Variants in ZNF519 observed in about 807,000 individuals in gnomAD.
ZNF519 encodes zinc finger protein 519.
Under a neutral mutation model 7.4 loss-of-function variants are expected in ZNF519, and 7 were observed. The observed-to-expected ratio is 0.94, with a 90% confidence interval of 0.54 to 1.77. The LOEUF is 1.77. Ranked by LOEUF, ZNF519 falls within the 40% of genes most tolerant of loss-of-function variation. The probability of loss-of-function intolerance (pLI) is 0.00; values close to 1 mark genes in which losing one functional copy is unlikely to be tolerated. For synonymous variants in ZNF519, 179 were observed against 203.3 expected (o/e 0.88, Z 1.02); for missense variants, 586 against 623.1 (o/e 0.94, Z 0.63).
chr18:14,111,241 A>G (rs1159748053), intron 2 of ZNF519, among the ~76,000 whole-genome samples: 1 of 150,976 alleles, frequency 6.6e-6, no homozygotes, highest in Non-Finnish European at 1.5e-5. Context: ...ACAGTGGCTC[A>G]TGCCTGTAAT....
chr18:14,130,513 G>C (rs949905723), intron 1 of ZNF519, among the ~76,000 whole-genome samples: 2 of 152,034 alleles, frequency 1.3e-5, no homozygotes, highest in Non-Finnish European at 2.9e-5. Flanking sequence ...CTCAGGGAGT[G>C]GCAGTGCTTT....
At chr18:14,093,317 C>T (rs1163705759) in intron 2 of ZNF519, among the ~76,000 whole-genome samples, 1 of 152,180 alleles carries the variant, frequency 6.6e-6, no homozygotes, top group Non-Finnish European at 1.5e-5. Flanking sequence ...TCCTTTAAAA[C>T]ATCCAGTCAT....
chr18:14,093,738 G>A (rs374955600), intron 2 of ZNF519, among the ~76,000 whole-genome samples: 1 of 152,180 alleles, frequency 6.6e-6, no homozygotes, highest in African/African-American at 2.4e-5. Flanking sequence ...CAGCTGAATT[G>A]GTTACAGCTT....
At chr18:14,131,326 A>G (rs2046328870) in intron 1 of ZNF519, among the ~76,000 whole-genome samples, 1 of 152,244 alleles carries the variant, frequency 6.6e-6, no homozygotes. Context: ...AAAAGTGATT[A>G]ATTCAAATAC....
At chr18:14,118,760 G>C (rs2046257429) in intron 2 of ZNF519, among the ~76,000 whole-genome samples, 1 of 152,152 alleles carries the variant, frequency 6.6e-6, no homozygotes, top group Non-Finnish European at 1.5e-5. Context: ...CCTATCAAGA[G>C]AGATGCAGGA....
In ZNF519 at chr18:14,087,460, T is replaced by C. The variant is rs558300475; in HGVS notation, c.131-2384A>G. Among the ~76,000 whole-genome samples, 3 of 152,338 alleles carry C rather than the reference T, an allele frequency of 2.0e-5. 1 individual carries two copies. The East Asian group carries it at 5.8e-4, about 29-fold the overall frequency. ...AAAATTTTATAAAAGTGAGCTCCTA[T>C]CAGTGTACACTCTAAAAACCATGCT... On this transcript the variant is annotated intron_variant and NMD_transcript_variant, in intron 2 of 4. Coordinates refer to the ZNF519 transcript ENST00000587419.
rs2046174116 is a variant in ZNF519 at position 14,103,906 on chromosome 18, TA to T, written c.*1010del. 6.6e-6 allele frequency: 1 copy of T among 152,108 alleles called. No homozygotes were observed. The highest frequency in any genetic ancestry group is 1.5e-5 in the Non-Finnish European group (1 of 67,984). The allele number at this position is 152,108 out of a possible 1,614,324, so 9.4% of individuals were successfully genotyped here. A position where few individuals can be genotyped will look rare whatever the true frequency, so the allele number is the denominator to read the frequency against. On this transcript the variant is annotated 3_prime_UTR_variant, in exon 3 of 3. Transcript: ENST00000590202. ...TTTCATTTTATTCTTAAAAAAAAATTAAGTTTACAGACTGAATAAAGCATTT... is the reference window on the plus strand; with the variant it reads ...TTTCATTTTATTCTTAAAAAAAAATTAGTTTACAGACTGAATAAAGCATTT...
chr18:14,097,143 C>T (rs987384268), downstream of ZNF519, among the ~76,000 whole-genome samples: 2 of 152,092 alleles, frequency 1.3e-5, no homozygotes, highest in South Asian at 2.1e-4. Context: ...CTTTTGGCTA[C>T]AAATTAGATT....
chr18:14,123,322 A>C (rs965019311), intron 2 of ZNF519: 6 of 153,862 alleles, frequency 3.9e-5, no homozygotes, highest in African/African-American at 1.4e-4. Flanking sequence ...ATGATTCTAG[A>C]AAATTAATCC....
At position 14,091,583 on chromosome 18, in the gene ZNF519, C is replaced by T. The variant is rs574084656; in HGVS notation, c.131-6507G>A. ...TCATCAGAAGTGCTCAGGTTGAAGACAGAGCAATGAAGACTCGAAAGTCCT... is the reference window on the plus strand; with the variant it reads ...TCATCAGAAGTGCTCAGGTTGAAGATAGAGCAATGAAGACTCGAAAGTCCT... On this transcript the variant is annotated intron_variant and NMD_transcript_variant, in intron 2 of 4. Coordinates refer to the ZNF519 transcript ENST00000587419. Among the ~76,000 whole-genome samples the T allele has an allele frequency of 5.9e-5, 9 of 152,178 alleles. 1 individual carries two copies. In the South Asian group the frequency reaches 8.3e-4, roughly 14 times the overall value.
At position 14,103,198 on chromosome 18, in the gene ZNF519, A is replaced by G. The variant is rs1425954827; in HGVS notation, c.*1719T>C. Reference sequence around the variant, plus strand: ...AAAACATAACACTTGAACACTGTAAACAAATATGAACTGATAGAATTCTCA... The same window carrying G: ...AAAACATAACACTTGAACACTGTAAGCAAATATGAACTGATAGAATTCTCA... On this transcript the variant is annotated 3_prime_UTR_variant, in exon 3 of 3. Transcript: ENST00000590202. 1 of 152,112 alleles carries G rather than the reference A, an allele frequency of 6.6e-6. No homozygotes were observed. The highest frequency in any genetic ancestry group is 1.5e-5 in the Non-Finnish European group (1 of 67,974). 9.4% of individuals were successfully genotyped at this position (152,112 alleles called of 1,614,324 possible).
Position 14,111,169 on chromosome 18 carries a change from T to TG in ZNF519, c.131-4761_131-4760insC, listed in dbSNP as rs1555632687. 2.8e-3 allele frequency among the ~76,000 whole-genome samples: 257 copies of TG among 90,824 alleles called. 2 individuals carry two copies. Among genetic ancestry groups the TG allele is most frequent in the African/African-American group, 0.011 (247 of 22,778 alleles). The allele number at this position is 90,824 out of a possible 152,430, so 59.6% of individuals were successfully genotyped here. On this transcript the variant is annotated intron_variant, in intron 2 of 2. Transcript: ENST00000590202. ...GTCAATAAAATGCAAAGTTGTTTTC[T>TG]AAAAAAAAAAAAAAAAAAACCTTTA...
chr18:14,101,548 T>G lies in ZNF519; in HGVS notation c.*3369A>C, dbSNP rs1357001669. The G allele has an allele frequency of 2.5e-6, 1 of 397,390 alleles. No homozygotes were observed. The allele number at this position is 397,390 out of a possible 1,614,324, so 24.6% of individuals were successfully genotyped here. A position where few individuals can be genotyped will look rare whatever the true frequency, so the allele number is the denominator to read the frequency against. On this transcript the variant is annotated 3_prime_UTR_variant, in exon 3 of 3. Transcript: ENST00000590202. ...GACTCAGGGTCCCTTGGATTAAAAC[T>G]GTGGGTCACTCAATAGGGAAAGCCA... is the stretch of plus-strand genomic sequence containing the variant.
At chr18:14,113,785 C>T (rs2046233465) in intron 2 of ZNF519, among the ~76,000 whole-genome samples, 1 of 150,948 alleles carries the variant, frequency 6.6e-6, no homozygotes, top group African/African-American at 2.4e-5. Context: ...TCCCTTTTCT[C>T]CACATACTCA....
At chr18:14,086,582 C>G (rs1268219830) in intron 2 of ZNF519, among the ~76,000 whole-genome samples, 1 of 152,176 alleles carries the variant, frequency 6.6e-6, no homozygotes, top group Non-Finnish European at 1.5e-5. Context: ...CTACAGAGAT[C>G]CAGCCCTGGG....
chr18:14,119,612 CA>C (rs574330365), intron 2 of ZNF519, among the ~76,000 whole-genome samples: 8 of 152,182 alleles, frequency 5.3e-5, no homozygotes, highest in African/African-American at 1.7e-4. Flanking sequence ...TCAGGATAAT[CA>C]ACATACAAAT....
Position 14,105,176 on chromosome 18 carries a change from G to C in ZNF519, c.1364C>G (p.Thr455Ser), listed in dbSNP as rs755864622. 1 of 1,571,730 alleles carries C rather than the reference G, an allele frequency of 6.4e-7. No homozygotes were observed. Among genetic ancestry groups the C allele is most frequent in the South Asian group, 1.1e-5 (1 of 90,322 alleles). The change falls in exon 3 of 3, where the codon ACT becomes AGT. Residue 455 changes from threonine to serine, a missense_variant. Physicochemically the swap from Thr to Ser is moderately conservative, Grantham distance 58. Transcript: ENST00000590202. ...SHLTRHQRIHTGEKSFKCEEC... is the reference protein window; with the variant it reads ...SHLTRHQRIHSGEKSFKCEEC... ...TTCACATTTGAAAGACTTCTCTCCA[G>C]TATGGATTCTTTGATGTCGAGTAAG...
intron 2 of ZNF519, among the ~76,000 whole-genome samples, chr18:14,118,832 G>A (rs1411690908): frequency 3.3e-5 from 5 of 152,048 alleles, no homozygotes; most frequent in African/African-American, 7.3e-5. Flanking sequence ...CTGTGGTCCC[G>A]GAAGCAGCCC....
At chr18:14,123,580 G>A (rs1469994159) in intron 2 of ZNF519, among the ~76,000 whole-genome samples, 3 of 152,060 alleles carry the variant, frequency 2.0e-5, no homozygotes, top group African/African-American at 4.8e-5. Flanking sequence ...TTAGCCAGGC[G>A]TGGTGGTGCA....
Sources: gnomAD v4.1 joint callset for allele counts (sites outside exome capture counted in the v4.1 genomes callset) on GRCh38, gnomAD v4.1.1 for gene constraint, MANE v1.5 for transcripts, NCBI Gene and HGNC (gene_info 2026-07-23, HGNC 2026-07-21) for gene names.